The following CDA variants were observed in gnomAD, a reference collection of about 807,000 sequenced individuals.
CDA encodes the protein cytidine deaminase.
A neutral mutation model predicts 15.0 loss-of-function variants in CDA; 7 were observed. That is an observed-to-expected ratio of 0.47 (90% CI 0.26 to 0.87). The LOEUF is 0.87. Ranked by LOEUF, CDA falls within the 40% of genes least tolerant of loss-of-function variation. The pLI is 0.15. For synonymous variants in CDA, 58 were observed against 73.0 expected (o/e 0.79, Z 1.05); for missense variants, 159 against 182.7 (o/e 0.87, Z 0.75).
At chr1:20,597,583 C>A (rs1172381635) in intron 1 of CDA, among the ~76,000 whole-genome samples, 1 of 152,208 alleles carries the variant, frequency 6.6e-6, no homozygotes, top group African/African-American at 2.4e-5. Context: ...GATTAACTGA[C>A]CTTATGCAGG....
chr1:20,590,864 G>T (rs1350936288), intron 1 of CDA, among the ~76,000 whole-genome samples: 1 of 152,182 alleles, frequency 6.6e-6, no homozygotes, highest in Non-Finnish European at 1.5e-5. Context: ...GTGGTGATGG[G>T]GGCTCAGCAT....
chr1:20,611,136 A>C (rs2052747131), intron 2 of CDA, among the ~76,000 whole-genome samples: 1 of 152,180 alleles, frequency 6.6e-6, no homozygotes, highest in Non-Finnish European at 1.5e-5. Flanking sequence ...GCTACTCAGG[A>C]GGCTGAGGTA....
Position 20,612,192 on chromosome 1 carries a change from G to A in CDA, c.267-1650G>A, listed in dbSNP as rs181775408. On this transcript the variant is annotated intron_variant, in intron 2 of 3. Transcript: ENST00000375071. ...CATACTATTTATTTCCTTCGCCTAC[G>A]ACACAGAGAAACCCAGGGCTTCCGA... Among the ~76,000 whole-genome samples, 67 of 152,122 alleles carry A rather than the reference G, an allele frequency of 4.4e-4. 1 individual carries two copies. Among genetic ancestry groups the A allele is most frequent in the African/African-American group, 1.5e-3 (64 of 41,494 alleles).
At chr1:20,597,465 G>C (rs1161624537) in intron 1 of CDA, among the ~76,000 whole-genome samples, 1 of 152,110 alleles carries the variant, frequency 6.6e-6, no homozygotes. Context: ...AGAGTCCATC[G>C]TATCTCACAG....
chr1:20,618,485 C>T lies in CDA; in HGVS notation c.358C>T (p.Pro120Ser), dbSNP rs1248624817. ...GTNWPVYMTKPDGTYIVMTVQ... is the reference protein window; with the variant it reads ...GTNWPVYMTKSDGTYIVMTVQ... ...CAACTGGCCCGTGTACATGACCAAG[C>T]CGGATGGTACGTATATTGTCATGAC... is the stretch of plus-strand genomic sequence containing the variant. The change falls in exon 4 of 4, where the codon CCG becomes TCG. Residue 120 changes from proline to serine, a missense_variant. Transcript: ENST00000375071. 6.2e-7 allele frequency: 1 copy of T among 1,613,358 alleles called. No homozygotes were observed. Among genetic ancestry groups the T allele is most frequent in the South Asian group, 1.1e-5 (1 of 91,044 alleles).
chr1:20,603,591 C>T (rs2052666939), intron 1 of CDA, among the ~76,000 whole-genome samples: 1 of 152,196 alleles, frequency 6.6e-6, no homozygotes, highest in Non-Finnish European at 1.5e-5. Flanking sequence ...CCACACTGTG[C>T]TGCAAGGGAG....
At chr1:20,592,276 C>T (rs1032352973) in intron 1 of CDA, among the ~76,000 whole-genome samples, 3 of 152,138 alleles carry the variant, frequency 2.0e-5, no homozygotes, top group South Asian at 2.1e-4. Flanking sequence ...TTGGTGCCTG[C>T]GCTGAGTATG....
chr1:20,598,142 CAG>C (rs1169311546), intron 1 of CDA, among the ~76,000 whole-genome samples: 1 of 152,182 alleles, frequency 6.6e-6, no homozygotes, highest in Non-Finnish European at 1.5e-5. Flanking sequence ...CTTTTAGAGA[CAG>C]GGTCTCGCTA....
chr1:20,607,197 G>A (rs2052701706), intron 2 of CDA, among the ~76,000 whole-genome samples: 1 of 152,236 alleles, frequency 6.6e-6, no homozygotes, highest in African/African-American at 2.4e-5. Flanking sequence ...TGCAAGGCCA[G>A]TGGGGACTGC....
intron 3 of CDA, among the ~76,000 whole-genome samples, chr1:20,617,697 ATTTTT>A (rs147364706): frequency 2.1e-5 from 3 of 144,022 alleles, no homozygotes; most frequent in Non-Finnish European, 3.0e-5. Context: ...ATTTTATTTT[ATTTTT>A]TTTTTTTTTT....
intron 3 of CDA, among the ~76,000 whole-genome samples, chr1:20,616,642 C>T (rs1033860755): frequency 4.6e-5 from 7 of 152,148 alleles, no homozygotes; most frequent in Non-Finnish European, 1.0e-4. Context: ...TTTCTCCAAA[C>T]AGATTGGATG....
At chr1:20,616,229 T>G (rs892593855) in intron 3 of CDA, among the ~76,000 whole-genome samples, 2 of 152,176 alleles carry the variant, frequency 1.3e-5, no homozygotes, top group African/African-American at 4.8e-5. Flanking sequence ...GTTCTGTAAG[T>G]TGGACAAAAT....
At chr1:20,602,207 T>C (rs1014379220) in intron 1 of CDA, among the ~76,000 whole-genome samples, 6 of 151,412 alleles carry the variant, frequency 4.0e-5, no homozygotes, top group Non-Finnish European at 8.8e-5. Context: ...AATCAATAAG[T>C]ATACAGTGAC....
intron 2 of CDA, among the ~76,000 whole-genome samples, chr1:20,613,521 G>T (rs2052773415): frequency 6.6e-6 from 1 of 152,196 alleles, no homozygotes; most frequent in South Asian, 2.1e-4. Context: ...TGTTTAACAT[G>T]ATAACTCAGC....
Position 20,616,849 on chromosome 1 carries a change from C to A in CDA, c.325-1603C>A, listed in dbSNP as rs185056268. Among the ~76,000 whole-genome samples, 7 of 152,188 alleles carry A rather than the reference C, an allele frequency of 4.6e-5. No individual in the cohort carries two copies. The East Asian group carries it at 1.4e-3, about 29-fold the overall frequency. ...AATTTCCTTCCTTAAAACATTAATT[C>A]TAAAAAAGCCAGAAGATTGAGTGTG... On this transcript the variant is annotated intron_variant, in intron 3 of 3. Coordinates refer to ENST00000375071, the MANE Select transcript of CDA (RefSeq NM_001785.3).
intron 1 of CDA, among the ~76,000 whole-genome samples, chr1:20,591,068 G>A (rs1408790631): frequency 1.3e-5 from 2 of 152,188 alleles, no homozygotes. Flanking sequence ...AGTCGGGCAT[G>A]GTGGCTCACG....
At chr1:20,615,518 G>A (rs577461219) in intron 3 of CDA, among the ~76,000 whole-genome samples, 2 of 150,140 alleles carry the variant, frequency 1.3e-5, no homozygotes, top group Admixed American at 6.6e-5. Flanking sequence ...TGAAAACGAA[G>A]GGATAGTTTA....
chr1:20,617,150 C>T (rs1161655509), intron 3 of CDA, among the ~76,000 whole-genome samples: 1 of 152,174 alleles, frequency 6.6e-6, no homozygotes, highest in African/African-American at 2.4e-5. Flanking sequence ...ATCCCTAAAA[C>T]CATTCCATGG....
At chr1:20,592,133 G>A (rs1369413423) in intron 1 of CDA, among the ~76,000 whole-genome samples, 1 of 152,008 alleles carries the variant, frequency 6.6e-6, no homozygotes, top group African/African-American at 2.4e-5. Context: ...ACCGCACCCA[G>A]CCAGCTCACA....
Sources: allele counts gnomAD v4.1 joint callset (sites outside exome capture counted in the v4.1 genomes callset), GRCh38; gene constraint gnomAD v4.1.1; transcripts MANE v1.5; gene names NCBI Gene and HGNC (gene_info 2026-07-23, HGNC 2026-07-21).